UNC5D: variants seen among roughly 807,000 people sequenced by gnomAD.
UNC5D encodes unc-5 netrin receptor D.
UNC5D carries 39 observed loss-of-function variants against 105.4 expected under a neutral mutation model. That is an observed-to-expected ratio of 0.37 (90% CI 0.29 to 0.48). The LOEUF (loss-of-function observed/expected upper bound fraction) is 0.48. UNC5D is among the 20% of genes least tolerant of loss of function. The pLI is 0.98. For missense variants in UNC5D, 991 were observed against 1,202.4 expected (o/e 0.82, Z 2.60); for synonymous variants, 452 against 450.4 (o/e 1.00, Z -0.04).
At chr8:35,582,408 A>T (rs1184719315) in intron 3 of UNC5D, among the ~76,000 whole-genome samples, 1 of 152,192 alleles carries the variant, frequency 6.6e-6, no homozygotes, top group Admixed American at 6.5e-5. Context: ...TTGGCTACCC[A>T]AAAGGTGAAA....
intron 7 of UNC5D, among the ~76,000 whole-genome samples, chr8:35,695,532 T>C (rs549018375): frequency 2.0e-5 from 3 of 151,772 alleles, no homozygotes; most frequent in Non-Finnish European, 4.4e-5. Flanking sequence ...CAAGACTCTG[T>C]CTCTTAAAAA....
At position 35,638,878 on chromosome 8, in the gene UNC5D, A is replaced by C. The variant is rs569940283; in HGVS notation, c.570+43221A>C. Among the ~76,000 whole-genome samples, 508 of 152,298 alleles carry C rather than the reference A, an allele frequency of 3.3e-3. 5 individuals are homozygous for C. Among genetic ancestry groups the C allele is most frequent in the African/African-American group, 0.011 (457 of 41,576 alleles). On this transcript the variant is annotated intron_variant, in intron 4 of 16. Coordinates refer to ENST00000404895, the MANE Select transcript of UNC5D (RefSeq NM_080872.4). ...AAGAGTAGATGAAAAGAACTAAAATAAACTCTTTATTCATATTGAAACTTA... is the reference window on the plus strand; with the variant it reads ...AAGAGTAGATGAAAAGAACTAAAATCAACTCTTTATTCATATTGAAACTTA...
chr8:35,581,781 A>C (rs965721908), intron 3 of UNC5D, among the ~76,000 whole-genome samples: 1 of 152,106 alleles, frequency 6.6e-6, no homozygotes, highest in Non-Finnish European at 1.5e-5. Flanking sequence ...AAAGAAAAAA[A>C]AAATCATTGC....
At chr8:35,648,701 A>G (rs985319079) in intron 4 of UNC5D, among the ~76,000 whole-genome samples, 2 of 150,606 alleles carry the variant, frequency 1.3e-5, no homozygotes, top group African/African-American at 2.4e-5. Flanking sequence ...AAAAAAAAAA[A>G]GGAGAGAGAT....
chr8:35,640,017 G>A (rs1822617101), intron 4 of UNC5D, among the ~76,000 whole-genome samples: 3 of 151,896 alleles, frequency 2.0e-5, no homozygotes, highest in Admixed American at 6.6e-5. Flanking sequence ...GAGCCACTGT[G>A]CCTGGCCTAT....
chr8:35,699,851 T>A (rs1242801513), intron 7 of UNC5D, among the ~76,000 whole-genome samples: 1 of 152,234 alleles, frequency 6.6e-6, no homozygotes, highest in East Asian at 1.9e-4. Flanking sequence ...AAAAACGCAA[T>A]AAGGAAACTA....
At chr8:35,747,918 A>G (rs1188957708) in intron 11 of UNC5D, among the ~76,000 whole-genome samples, 1 of 152,238 alleles carries the variant, frequency 6.6e-6, no homozygotes, top group Non-Finnish European at 1.5e-5. Flanking sequence ...ATACACATTT[A>G]TGTATGATAT....
At chr8:35,734,513 C>A (rs986732624) in intron 11 of UNC5D, among the ~76,000 whole-genome samples, 1 of 151,854 alleles carries the variant, frequency 6.6e-6, no homozygotes, top group Non-Finnish European at 1.5e-5. Flanking sequence ...TGGGTTCAAG[C>A]GATTCTCCTG....
At chr8:35,690,669 G>A (rs1156524535) in intron 7 of UNC5D, among the ~76,000 whole-genome samples, 1 of 152,138 alleles carries the variant, frequency 6.6e-6, no homozygotes, top group Non-Finnish European at 1.5e-5. Context: ...AGGAAGCAAT[G>A]GACAGTAATC....
chr8:35,624,894 C>T (rs921722998), intron 4 of UNC5D, among the ~76,000 whole-genome samples: 3 of 152,170 alleles, frequency 2.0e-5, no homozygotes, highest in Non-Finnish European at 4.4e-5. Flanking sequence ...CATAAACCTA[C>T]TTGTTAATTC....
At chr8:35,677,081 TTTACA>T (rs1825285836) in intron 4 of UNC5D, among the ~76,000 whole-genome samples, 1 of 152,142 alleles carries the variant, frequency 6.6e-6, no homozygotes, top group Non-Finnish European at 1.5e-5. Flanking sequence ...TGGCTACACA[TTTACA>T]CAGGTCTTGC....
chr8:35,377,107 G>T (rs1802746226), intron 1 of UNC5D, among the ~76,000 whole-genome samples: 1 of 152,144 alleles, frequency 6.6e-6, no homozygotes, highest in Non-Finnish European at 1.5e-5. Flanking sequence ...CATTTTATCT[G>T]CTTCTCAGGT....
chr8:35,356,968 A>T (rs528241200), intron 1 of UNC5D, among the ~76,000 whole-genome samples: 10 of 152,156 alleles, frequency 6.6e-5, no homozygotes, highest in South Asian at 4.2e-4. Context: ...TAAAATATAA[A>T]TTTTTTTATT....
intron 1 of UNC5D, among the ~76,000 whole-genome samples, chr8:35,486,494 A>T (rs1585954613): frequency 6.6e-6 from 1 of 152,092 alleles, no homozygotes; most frequent in African/African-American, 2.4e-5. Flanking sequence ...ACTTAGGAGG[A>T]TTTGAACCTT....
intron 4 of UNC5D, among the ~76,000 whole-genome samples, chr8:35,664,874 T>C (rs1012231636): frequency 5.3e-5 from 8 of 152,164 alleles, no homozygotes; most frequent in African/African-American, 1.9e-4. Flanking sequence ...GAGATGGGTC[T>C]TCCTCTGTCA....
At chr8:35,289,644 G>A (rs1806884968) in intron 1 of UNC5D, among the ~76,000 whole-genome samples, 1 of 152,162 alleles carries the variant, frequency 6.6e-6, no homozygotes, top group Admixed American at 6.5e-5. Flanking sequence ...AAAATAATAC[G>A]TGTGATAACA....
chr8:35,424,750 C>T (rs1292410291), intron 1 of UNC5D, among the ~76,000 whole-genome samples: 1 of 152,198 alleles, frequency 6.6e-6, no homozygotes, highest in East Asian at 1.9e-4. Context: ...GAAGGAGCAT[C>T]AGGAAATCTG....
intron 4 of UNC5D, among the ~76,000 whole-genome samples, chr8:35,657,475 TATTGTGATC>T (rs1292990326): frequency 7.9e-5 from 12 of 151,926 alleles, no homozygotes; most frequent in Non-Finnish European, 5.9e-5. Flanking sequence ...CCTGATAGAA[TATTGTGATC>T]ATTATTTTTT....
In UNC5D at chr8:35,312,811, T is replaced by A. The variant is rs530976891; in HGVS notation, c.103+76924T>A. On this transcript the variant is annotated intron_variant, in intron 1 of 16. Coordinates refer to ENST00000404895, the MANE Select transcript of UNC5D (RefSeq NM_080872.4). ...TTCATGTTTCAATGTAGGATAGTAT[T>A]CCGTAATATAAACTCTCACTAAATA... is the stretch of plus-strand genomic sequence containing the variant. Among the ~76,000 whole-genome samples the A allele has an allele frequency of 4.6e-5, 7 of 152,310 alleles. No individual in the cohort carries two copies. In the South Asian group the frequency reaches 1.4e-3, roughly 32 times the overall value.
Sources: gnomAD v4.1 joint callset for allele counts (sites outside exome capture counted in the v4.1 genomes callset) on GRCh38, gnomAD v4.1.1 for gene constraint, MANE v1.5 for transcripts, NCBI Gene and HGNC (gene_info 2026-07-23, HGNC 2026-07-21) for gene names.